The following DSCAML1 variants were observed in gnomAD, a reference collection of about 807,000 sequenced individuals.
DSCAML1 encodes DS cell adhesion molecule like 1.
A neutral mutation model predicts 200.5 loss-of-function variants in DSCAML1; 38 were observed. That is an observed-to-expected ratio of 0.19 (90% confidence interval 0.15 to 0.25). The LOEUF is 0.25. Among genes scored for constraint, DSCAML1 ranks in the 10% least tolerant of loss-of-function variants. DSCAML1 has a pLI of 1.00. For missense variants in DSCAML1, 2,223 were observed against 2,858.8 expected (o/e 0.78, Z 5.07); for synonymous variants, 1,215 against 1,165.0 (o/e 1.04, Z -0.87).
At chr11:117,558,595 G>A (rs528435206) in intron 3 of DSCAML1, among the ~76,000 whole-genome samples, 29 of 152,174 alleles carry the variant, frequency 1.9e-4, no homozygotes, top group African/African-American at 6.5e-4. Flanking sequence ...GAAAAACCCC[G>A]TCTCTATGTG....
At chr11:117,724,067 T>C (rs768652989) in intron 3 of DSCAML1, among the ~76,000 whole-genome samples, 19 of 152,236 alleles carry the variant, frequency 1.2e-4, no homozygotes, top group Non-Finnish European at 2.6e-4. Context: ...TCTCTTCTTC[T>C]GGCTACAAAA....
chr11:117,590,378 A>C (rs1034622156), intron 3 of DSCAML1, among the ~76,000 whole-genome samples: 22 of 152,040 alleles, frequency 1.4e-4, no homozygotes, highest in Non-Finnish European at 2.4e-4. Flanking sequence ...AAAAAAAAAA[A>C]AAAAAACTTG....
At chr11:117,637,306 G>T (rs879324855) in intron 3 of DSCAML1, among the ~76,000 whole-genome samples, 1 of 151,890 alleles carries the variant, frequency 6.6e-6, no homozygotes, top group Non-Finnish European at 1.5e-5. Context: ...TGTCCATGGT[G>T]GTATCCCAGT....
chr11:117,431,746 A>C lies in DSCAML1; in HGVS notation c.5180-18T>G, dbSNP rs1277019088. Reference sequence around the variant, plus strand: ...CACTGGATCTGCACAGACAGAAGCAAGAAATTGCATCCTCCAACCAAAGGC... The same window carrying C: ...CACTGGATCTGCACAGACAGAAGCACGAAATTGCATCCTCCAACCAAAGGC... On this transcript the variant is annotated intron_variant, in intron 30 of 32. Transcript: ENST00000651296. 31 of 1,513,658 alleles carry C rather than the reference A, an allele frequency of 2.0e-5. No homozygotes were observed. Among genetic ancestry groups the C allele is most frequent in the Non-Finnish European group, 2.6e-5 (29 of 1,123,090 alleles). The allele number at this position is 1,513,658 out of a possible 1,614,324, so 93.8% of individuals were successfully genotyped here.
chr11:117,444,080 G>C, intron 20 of DSCAML1, 41 bp from the exon 21 acceptor site: 1 of 1,571,568 alleles, frequency 6.4e-7, no homozygotes, highest in Non-Finnish European at 8.7e-7. Flanking sequence ...AGCAGAACTG[G>C]GGCCCTCCAG....
intron 17 of DSCAML1, among the ~76,000 whole-genome samples, chr11:117,462,437 C>T (rs183420210): frequency 6.6e-6 from 1 of 152,346 alleles, no homozygotes; most frequent in East Asian, 1.9e-4. Context: ...TTTGGTGGCA[C>T]TTCCTGCTGG....
At chr11:117,652,686 G>C (rs1379661460) in intron 3 of DSCAML1, among the ~76,000 whole-genome samples, 1 of 152,232 alleles carries the variant, frequency 6.6e-6, no homozygotes. Context: ...GAAGCAACTG[G>C]ATGAGCAGAA....
intron 3 of DSCAML1, among the ~76,000 whole-genome samples, chr11:117,655,796 G>A (rs151306232): frequency 3.3e-5 from 5 of 152,326 alleles, no homozygotes; most frequent in Admixed American, 6.5e-5. Context: ...ACTTGGACTC[G>A]AAGGCAAGCC....
chr11:117,499,595 C>A (rs1175132577), intron 11 of DSCAML1, among the ~76,000 whole-genome samples: 1 of 152,212 alleles, frequency 6.6e-6, no homozygotes, highest in Non-Finnish European at 1.5e-5. Flanking sequence ...TGACCTTGAT[C>A]TAATCTCTGA....
intron 3 of DSCAML1, among the ~76,000 whole-genome samples, chr11:117,667,682 A>G (rs1469146752): frequency 6.6e-6 from 1 of 152,156 alleles, no homozygotes; most frequent in Non-Finnish European, 1.5e-5. Flanking sequence ...AGTGCCTCAA[A>G]AGCCACCTCC....
At chr11:117,806,551 T>C (rs143269328) in intron 1 of DSCAML1, among the ~76,000 whole-genome samples, 1 of 152,352 alleles carries the variant, frequency 6.6e-6, no homozygotes, top group East Asian at 1.9e-4. Context: ...GCACTTGCTG[T>C]GGGCCCAGCA....
At chr11:117,754,381 G>A (rs991530151) in intron 3 of DSCAML1, among the ~76,000 whole-genome samples, 5 of 152,112 alleles carry the variant, frequency 3.3e-5, no homozygotes, top group Admixed American at 6.5e-5. Flanking sequence ...CCTTTATGTC[G>A]AAAGTTCTCC....
intron 16 of DSCAML1, among the ~76,000 whole-genome samples, chr11:117,468,778 G>A (rs1309302448): frequency 1.3e-5 from 2 of 152,236 alleles, no homozygotes; most frequent in African/African-American, 4.8e-5. Flanking sequence ...GAGTGTGAGT[G>A]TGAGTGTGCG....
At chr11:117,527,440 C>T (rs2049996805) in intron 4 of DSCAML1, among the ~76,000 whole-genome samples, 1 of 152,170 alleles carries the variant, frequency 6.6e-6, no homozygotes, top group Non-Finnish European at 1.5e-5. Flanking sequence ...GCTGCTGAAC[C>T]ATAAATGTCT....
chr11:117,535,692 G>A (rs968892886), intron 3 of DSCAML1, among the ~76,000 whole-genome samples: 3 of 152,162 alleles, frequency 2.0e-5, no homozygotes, highest in Non-Finnish European at 4.4e-5. Context: ...CTGGAATGCA[G>A]AACTACTGGA....
chr11:117,461,482 C>T lies in DSCAML1; in HGVS notation c.3380G>A (p.Arg1127Gln), dbSNP rs753027320. The T allele has an allele frequency of 3.1e-6, 5 of 1,614,200 alleles. No individual in the cohort carries two copies. Among genetic ancestry groups the T allele is most frequent in the Non-Finnish European group, 1.7e-6 (2 of 1,180,044 alleles). Residue 1127 changes from arginine (R) to glutamine (Q), a missense_variant, in exon 18 of 33, where the codon CGG becomes CAG. By Grantham distance (43) the Arg-to-Gln change is conservative. This residue lies in a region of DSCAML1 where 438 missense variants were observed against 629.7 expected (regional missense o/e 0.70). Transcript: ENST00000651296. The part of the protein sequence containing the change: ...STLNGVLKGY[R>Q]VIFWSLYVDG... Reference sequence around the variant, plus strand: ...AACATAGAGGGACCAGAAGATGACCCGATAGCCTTTGAGGACGCCATTGAG... The same window carrying T: ...AACATAGAGGGACCAGAAGATGACCTGATAGCCTTTGAGGACGCCATTGAG...
rs1415219328 is a variant in DSCAML1 at position 117,498,706 on chromosome 11, G to T, written c.2359+5139C>A. Reference sequence around the variant, plus strand: ...CCACGGAGGCCCGAGGGCTTCCTTTGCTAGGCCCGCCCCCTCCATTTCTCA... The same window carrying T: ...CCACGGAGGCCCGAGGGCTTCCTTTTCTAGGCCCGCCCCCTCCATTTCTCA... On this transcript the variant is annotated intron_variant, in intron 11 of 32. Coordinates refer to ENST00000651296, the MANE Select transcript of DSCAML1 (RefSeq NM_020693.4). This position sits in a 1 kb window ranked among gnomAD's most constrained non-coding sequence, Gnocchi z 4.0. 1.3e-5 allele frequency among the ~76,000 whole-genome samples: 2 copies of T among 152,182 alleles called. No homozygotes were observed. Among genetic ancestry groups the T allele is most frequent in the African/African-American group, 2.4e-5 (1 of 41,440 alleles).
At chr11:117,446,075 A>G (rs1214178257) in intron 20 of DSCAML1, among the ~76,000 whole-genome samples, 1 of 152,226 alleles carries the variant, frequency 6.6e-6, no homozygotes, top group Non-Finnish European at 1.5e-5. Context: ...TCAAAAACAG[A>G]ATCAAAGGCT....
At chr11:117,677,385 A>C (rs2053233740) in intron 3 of DSCAML1, among the ~76,000 whole-genome samples, 1 of 152,152 alleles carries the variant, frequency 6.6e-6, no homozygotes, top group Admixed American at 6.5e-5. Flanking sequence ...CTTTTTGAAC[A>C]GAGTAGGGCA....
Sources: gnomAD v4.1 joint callset for allele counts (sites outside exome capture counted in the v4.1 genomes callset) on GRCh38, gnomAD v4.1.1 for gene constraint, gnomAD v4.1.1 regional missense constraint, Gnocchi (gnomAD v3.1) non-coding constraint, MANE v1.5 for transcripts, NCBI Gene and HGNC (gene_info 2026-07-23, HGNC 2026-07-21) for gene names.